The following RNF216 variants were observed in gnomAD, a reference collection of about 807,000 sequenced individuals.
RNF216 encodes ring finger protein 216, also known as E3 ubiquitin-protein ligase RNF216.
Under a neutral mutation model 110.8 loss-of-function variants are expected in RNF216, and 72 were observed. That is an observed-to-expected ratio of 0.65 (90% CI 0.54 to 0.79). RNF216 has a LOEUF of 0.79. Among genes scored for constraint, RNF216 ranks in the 30% least tolerant of loss-of-function variants. The pLI, the probability that RNF216 is intolerant of heterozygous loss-of-function variation, is 0.00. For missense variants in RNF216, 1,342 were observed against 1,141.2 expected (o/e 1.18, Z -2.54); for synonymous variants, 495 against 407.5 (o/e 1.21, Z -2.59).
chr7:5,747,756 A>AAAG (rs1795104706), intron 3 of RNF216, among the ~76,000 whole-genome samples: 1 of 125,738 alleles, frequency 8.0e-6, no homozygotes, highest in Non-Finnish European at 1.6e-5. Context: ...CAAAAAAAAA[A>AAAG]AAAAAAAAAA....
At chr7:5,673,859 A>ATT (rs756283994) in intron 13 of RNF216, among the ~76,000 whole-genome samples, 3,985 of 121,540 alleles carry the variant, frequency 0.033, 240 homozygotes, top group African/African-American at 0.096. Flanking sequence ...TCTTTCTCTC[A>ATT]TTTTTTTTTT....
At chr7:5,754,471 T>A (rs1795509800) in intron 2 of RNF216, among the ~76,000 whole-genome samples, 1 of 151,916 alleles carries the variant, frequency 6.6e-6, no homozygotes, top group South Asian at 2.1e-4. Flanking sequence ...GACTTAATTG[T>A]GGATTTTTAA....
intron 8 of RNF216, among the ~76,000 whole-genome samples, chr7:5,722,369 GT>G (rs36102190): frequency 2.8e-5 from 4 of 143,598 alleles, no homozygotes; most frequent in African/African-American, 7.7e-5. Context: ...TCATTCTCAT[GT>G]TTTTTTTTTT....
chr7:5,623,960 G>A (rs982709552), intron 16 of RNF216, 96 bp downstream of exon 16: 1 of 1,053,666 alleles, frequency 9.5e-7, no homozygotes, highest in South Asian at 1.4e-5. Context: ...CTCCTCTCCT[G>A]TGCTGGGTTG....
intron 2 of RNF216, among the ~76,000 whole-genome samples, chr7:5,759,726 G>A (rs1429429512): frequency 6.7e-6 from 1 of 148,338 alleles, no homozygotes; most frequent in Non-Finnish European, 1.5e-5. Context: ...CTGCCTCCCA[G>A]GTTCAAGTGA....
chr7:5,678,682 G>A (rs1207249556), intron 13 of RNF216, among the ~76,000 whole-genome samples: 1 of 152,236 alleles, frequency 6.6e-6, no homozygotes, highest in East Asian at 1.9e-4. Flanking sequence ...TCACAACTGT[G>A]CCTCCTGGGC....
intron 15 of RNF216, among the ~76,000 whole-genome samples, chr7:5,625,304 C>G (rs987596545): frequency 2.0e-5 from 3 of 152,216 alleles, no homozygotes; most frequent in South Asian, 2.1e-4. Context: ...TCCCTGATAT[C>G]GTGAGAGGAT....
Position 5,696,758 on chromosome 7 carries a change from A to G in RNF216, c.2061+15003T>C, listed in dbSNP as rs919828261. Among the ~76,000 whole-genome samples the G allele has an allele frequency of 1.3e-5, 2 of 152,136 alleles. No individual in the cohort carries two copies. Among genetic ancestry groups the G allele is most frequent in the Non-Finnish European group, 2.9e-5 (2 of 68,022 alleles). ...AAAATGGGAAAAGTAATCACAGCAA[A>G]TACCTGCAACATTGTACGAACGGGC... On this transcript the variant is annotated intron_variant, in intron 13 of 16. Transcript: ENST00000389902. The surrounding 1 kb of genome is among the most constrained non-coding windows in gnomAD (Gnocchi z 5.4).
At chr7:5,702,784 T>C (rs540727334) in intron 13 of RNF216, among the ~76,000 whole-genome samples, 9 of 152,226 alleles carry the variant, frequency 5.9e-5, no homozygotes, top group African/African-American at 2.2e-4. Flanking sequence ...CAGACACAAG[T>C]AGAGTTAAAA....
chr7:5,776,988 G>C (rs1440459996), intron 1 of RNF216, among the ~76,000 whole-genome samples: 2 of 151,270 alleles, frequency 1.3e-5, no homozygotes, highest in African/African-American at 4.9e-5. Context: ...AAGAAAGGAA[G>C]AGAAAGAGCG....
At chr7:5,717,496 A>C (rs1296487214) in intron 9 of RNF216, among the ~76,000 whole-genome samples, 1 of 152,218 alleles carries the variant, frequency 6.6e-6, no homozygotes, top group African/African-American at 2.4e-5. Context: ...CAGAGTCATC[A>C]ATGCCACTTC....
At chr7:5,748,576 TTTATTA>T in intron 3 of RNF216, among the ~76,000 whole-genome samples, 1 of 151,748 alleles carries the variant, frequency 6.6e-6, no homozygotes, top group East Asian at 1.9e-4. Flanking sequence ...CTCAGCTTAC[TTTATTA>T]TAAGAATGCA....
At chr7:5,759,238 T>C (rs1795802751) in intron 2 of RNF216, among the ~76,000 whole-genome samples, 1 of 152,194 alleles carries the variant, frequency 6.6e-6, no homozygotes, top group Non-Finnish European at 1.5e-5. Context: ...CTATGTTTCC[T>C]ATACAGCCTA....
chr7:5,710,975 T>G (rs1792647637), intron 13 of RNF216, among the ~76,000 whole-genome samples: 2 of 152,136 alleles, frequency 1.3e-5, no homozygotes, highest in Non-Finnish European at 1.5e-5. Flanking sequence ...ACAAAAGAAA[T>G]AAAGTTTTGA....
At chr7:5,684,389 G>A (rs540144269) in intron 13 of RNF216, among the ~76,000 whole-genome samples, 64 of 151,368 alleles carry the variant, frequency 4.2e-4, no homozygotes, top group African/African-American at 1.5e-3. Flanking sequence ...TTACAGGTGC[G>A]AGCCACTGCG....
chr7:5,715,072 G>C lies in RNF216; in HGVS notation c.1814C>G (p.Ala605Gly). The change falls in exon 11 of 17, where the codon GCA becomes GGA. Residue 605 changes from alanine to glycine, a missense_variant. Coordinates refer to ENST00000389902, the MANE Select transcript of RNF216 (RefSeq NM_207111.4). ...TCTTACCTTTCCAGATCCAAAGACT[G>C]CCTCTTGGGCATATCTGATGAGACA... ...KECLIRYAQE[A>G]VFGSGKLELS... 1 of 1,613,306 alleles carries C rather than the reference G, an allele frequency of 6.2e-7. No homozygotes were observed. The highest frequency in any genetic ancestry group is 8.5e-7 in the Non-Finnish European group (1 of 1,179,718).
At chr7:5,699,232 C>A (rs564895374) in intron 13 of RNF216, among the ~76,000 whole-genome samples, 1 of 152,222 alleles carries the variant, frequency 6.6e-6, no homozygotes, top group East Asian at 1.9e-4. Flanking sequence ...GATTACAAAT[C>A]TTTTCATTTA....
chr7:5,670,773 C>A (rs1403422371), intron 13 of RNF216, among the ~76,000 whole-genome samples: 15 of 152,212 alleles, frequency 9.9e-5, no homozygotes, highest in Admixed American at 9.8e-4. Flanking sequence ...GTGTTTTCAG[C>A]CTTAATCCAT....
At chr7:5,627,744 TA>T (rs1230237652) in intron 15 of RNF216, among the ~76,000 whole-genome samples, 413 of 131,142 alleles carry the variant, frequency 3.1e-3, no homozygotes, top group Admixed American at 2.9e-3. Context: ...AGACTCTGTC[TA>T]AAAAAAAAAA....
Sources: allele counts gnomAD v4.1 joint callset (sites outside exome capture counted in the v4.1 genomes callset), GRCh38; gene constraint gnomAD v4.1.1; non-coding constraint Gnocchi (gnomAD v3.1); transcripts MANE v1.5; gene names NCBI Gene and HGNC (gene_info 2026-07-23, HGNC 2026-07-21).